The following CUBN variants were observed in gnomAD, a reference collection of about 807,000 sequenced individuals.
The protein encoded by CUBN is cubilin, also known as 460 kDa receptor.
Under a neutral mutation model 405.3 loss-of-function variants are expected in CUBN, and 282 were observed. The ratio of observed to expected loss-of-function variants is 0.70; its 90% CI spans 0.63 to 0.77. The LOEUF (loss-of-function observed/expected upper bound fraction) is 0.77, where lower values mean the gene tolerates loss of function less well. Ranked by LOEUF, CUBN falls within the 30% of genes least tolerant of loss-of-function variation. The pLI, the probability that CUBN is intolerant of heterozygous loss-of-function variation, is 0.00. For synonymous variants in CUBN, 1,684 were observed against 1,617.0 expected (o/e 1.04, Z -0.99); for missense variants, 4,514 against 4,475.2 (o/e 1.01, Z -0.25).
intron 59 of CUBN, among the ~76,000 whole-genome samples, chr10:16,862,192 AC>A (rs1424061614): frequency 6.6e-6 from 1 of 150,920 alleles, no homozygotes; most frequent in Non-Finnish European, 1.5e-5. Flanking sequence ...ACACACACAC[AC>A]ATCACATCCC....
intron 14 of CUBN, among the ~76,000 whole-genome samples, chr10:17,093,626 C>T (rs927997890): frequency 1.3e-5 from 2 of 151,714 alleles, no homozygotes; most frequent in Admixed American, 6.6e-5. Flanking sequence ...CAACATATCA[C>T]GTATAATGTC....
chr10:16,875,651 T>G (rs1840476954), intron 57 of CUBN, among the ~76,000 whole-genome samples: 1 of 152,242 alleles, frequency 6.6e-6, no homozygotes, highest in Admixed American at 6.5e-5. Flanking sequence ...CTTTTCACTT[T>G]ATACACAATT....
At chr10:17,042,343 C>T (rs1422297712) in intron 26 of CUBN, among the ~76,000 whole-genome samples, 1 of 152,098 alleles carries the variant, frequency 6.6e-6, no homozygotes, top group Non-Finnish European at 1.5e-5. Flanking sequence ...CAACACAGGG[C>T]CCAGGAAAAT....
intron 28 of CUBN, among the ~76,000 whole-genome samples, chr10:17,007,909 A>G (rs1325398351): frequency 6.6e-6 from 1 of 152,196 alleles, no homozygotes; most frequent in Non-Finnish European, 1.5e-5. Flanking sequence ...TAATCCCAGC[A>G]TTTTGAGAGG....
rs1323426899 is a variant in CUBN, at chr10:16,824,216, C to T, written c.*759G>A. The T allele has an allele frequency of 6.6e-6, 1 of 152,232 alleles. No homozygotes were observed. The allele number at this position is 152,232 out of a possible 1,614,324, so 9.4% of individuals were successfully genotyped here. On this transcript the variant is annotated 3_prime_UTR_variant, in exon 67 of 67. Coordinates refer to ENST00000377833, the MANE Select transcript of CUBN (RefSeq NM_001081.4). ...CACGGGTGCATGCCACCATGCCTGGCTAATTTTTTGATTTTTTGTAAAAAT... is the reference window on the plus strand; with the variant it reads ...CACGGGTGCATGCCACCATGCCTGGTTAATTTTTTGATTTTTTGTAAAAAT...
intron 7 of CUBN, 92 bp downstream of exon 7, chr10:17,115,379 C>A: frequency 2.0e-6 from 3 of 1,536,538 alleles, no homozygotes; most frequent in South Asian, 1.1e-5. Context: ...TCTGTAAGCT[C>A]CAGGTAGTGC....
At chr10:16,869,559 G>A in intron 59 of CUBN, 77 bp downstream of exon 59, 1 of 916,458 alleles carries the variant, frequency 1.1e-6, no homozygotes, top group Middle Eastern at 3.2e-4. Context: ...GGTGGGGGTG[G>A]GGGGGGGGCG....
intron 22 of CUBN, among the ~76,000 whole-genome samples, chr10:17,049,240 TA>T (rs1835206752): frequency 6.6e-6 from 1 of 152,044 alleles, no homozygotes; most frequent in African/African-American, 2.4e-5. Context: ...CTTACTAAGC[TA>T]AAAAAAGGAC....
At chr10:17,094,167 G>A (rs969566924) in intron 14 of CUBN, among the ~76,000 whole-genome samples, 25 of 151,978 alleles carry the variant, frequency 1.6e-4, no homozygotes, top group African/African-American at 6.0e-4. Context: ...AAAGCAGTGA[G>A]GGTGGAGAAA....
Position 17,026,730 on chromosome 10 carries a change from A to C in CUBN, c.4018-6747T>G, listed in dbSNP as rs1165841903. On this transcript the variant is annotated intron_variant, in intron 27 of 66. Coordinates refer to ENST00000377833, the MANE Select transcript of CUBN (RefSeq NM_001081.4). ...CCCAAGGGGGCAAATGCAAAATCAAATCATGGTGGATAAATGAGGCAAATG... is the reference window on the plus strand; with the variant it reads ...CCCAAGGGGGCAAATGCAAAATCAACTCATGGTGGATAAATGAGGCAAATG... Among the ~76,000 whole-genome samples, 3 of 152,352 alleles carry C rather than the reference A, an allele frequency of 2.0e-5. No individual in the cohort carries two copies. The East Asian group carries it at 5.8e-4, about 29-fold the overall frequency.
chr10:17,115,923 A>T (rs1836884956), intron 6 of CUBN, among the ~76,000 whole-genome samples: 1 of 152,208 alleles, frequency 6.6e-6, no homozygotes. Flanking sequence ...AGTTAGTTCA[A>T]GAAGGTAAAG....
At chr10:17,081,583 A>C (rs1024358387) in intron 17 of CUBN, among the ~76,000 whole-genome samples, 7 of 152,348 alleles carry the variant, frequency 4.6e-5, no homozygotes, top group South Asian at 2.1e-4. Flanking sequence ...TAATGTCATT[A>C]GAATTTGGTT....
Position 16,920,154 on chromosome 10 carries a change from T to A in CUBN, c.6647-17A>T. ...CCCCACAGGCTGTGAGCAAACACACTTAAATCAGTCTATGATCTGGTGAAG... is the reference window on the plus strand; with the variant it reads ...CCCCACAGGCTGTGAGCAAACACACATAAATCAGTCTATGATCTGGTGAAG... On this transcript the variant is annotated splice_polypyrimidine_tract_variant and intron_variant, in intron 43 of 66. Coordinates refer to ENST00000377833, the MANE Select transcript of CUBN (RefSeq NM_001081.4). The A allele has an allele frequency of 6.2e-7, 1 of 1,613,436 alleles. No homozygotes were observed.
chr10:16,921,936 C>T (rs1842046159), intron 43 of CUBN, among the ~76,000 whole-genome samples: 1 of 152,154 alleles, frequency 6.6e-6, no homozygotes, highest in Admixed American at 6.5e-5. Context: ...CTCAAATGAA[C>T]ATTCTCATTT....
chr10:16,847,942 T>C (rs1839568580), intron 60 of CUBN, among the ~76,000 whole-genome samples: 1 of 152,178 alleles, frequency 6.6e-6, no homozygotes, highest in African/African-American at 2.4e-5. Flanking sequence ...CAGAAAAATC[T>C]CTTTAATAAA....
intron 29 of CUBN, among the ~76,000 whole-genome samples, chr10:16,990,012 C>A (rs1290011186): frequency 6.6e-6 from 1 of 152,252 alleles, no homozygotes; most frequent in South Asian, 2.1e-4. Flanking sequence ...AAGGTCCCAG[C>A]GGATGGAGCC....
In CUBN at chr10:16,899,043, AGTT is replaced by A. The variant is rs757578583; in HGVS notation, c.8548_8550del (p.Asn2850del). The A allele has an allele frequency of 6.2e-7, 1 of 1,613,690 alleles. No individual in the cohort carries two copies. The highest frequency in any genetic ancestry group is 1.7e-5 in the Admixed American group (1 of 60,024). The stretch of plus-strand genomic sequence containing the variant: ...TGTCCATCACCGCTGGGGATTAGGA[AGTT>A]GTTGTCAAAGCTGATCTCCAAGTGT... On this transcript the variant is annotated inframe_deletion, in exon 54 of 67. Coordinates refer to ENST00000377833, the MANE Select transcript of CUBN (RefSeq NM_001081.4).
rs1239939212 is a variant in CUBN at position 17,127,491 on chromosome 10, T to C, written c.348+338A>G. Among the ~76,000 whole-genome samples the C allele has an allele frequency of 4.2e-5, 6 of 142,366 alleles. No individual in the cohort carries two copies. The South Asian group carries it at 9.3e-4, about 22-fold the overall frequency. The allele number at this position is 142,366 out of a possible 152,430, so 93.4% of individuals were successfully genotyped here. On this transcript the variant is annotated intron_variant, in intron 3 of 66. Transcript: ENST00000377833. ...AGTCTCACTATGTGGCCCAGGCTGG[T>C]CTCAAACTCCTAGGCTCAAGCGACC...
At chr10:16,963,944 G>A (rs1843315848) in intron 31 of CUBN, among the ~76,000 whole-genome samples, 1 of 152,204 alleles carries the variant, frequency 6.6e-6, no homozygotes, top group South Asian at 2.1e-4. Context: ...CTCATTAGCA[G>A]TTTCCTCTGG....
Sources: gnomAD v4.1 joint callset for allele counts (sites outside exome capture counted in the v4.1 genomes callset) on GRCh38, gnomAD v4.1.1 for gene constraint, MANE v1.5 for transcripts, NCBI Gene and HGNC (gene_info 2026-07-23, HGNC 2026-07-21) for gene names.